The following TOGARAM1 variants were observed in gnomAD, a reference collection of about 807,000 sequenced individuals.
TOGARAM1 encodes TOG array regulator of axonemal microtubules 1, also known as TOG array regulator of axonemal microtubules protein 1.
A neutral mutation model predicts 166.6 loss-of-function variants in TOGARAM1; 100 were observed. The ratio of observed to expected loss-of-function variants is 0.60; its 90% CI spans 0.51 to 0.71. TOGARAM1 has a LOEUF of 0.71. TOGARAM1 is among the 30% of genes least tolerant of loss of function. The probability of loss-of-function intolerance (pLI) is 0.00; values close to 1 mark genes in which losing one functional copy is unlikely to be tolerated. For missense variants in TOGARAM1, 2,029 were observed against 2,102.7 expected, an observed-to-expected ratio of 0.96 and a Z score of 0.69; for synonymous variants, 758 against 763.8, an observed-to-expected ratio of 0.99 and a Z score of 0.13.
At chr14:45,050,891 A>C (rs1483901690) in intron 14 of TOGARAM1, among the ~76,000 whole-genome samples, 1 of 152,234 alleles carries the variant, frequency 6.6e-6, no homozygotes, top group Non-Finnish European at 1.5e-5. Flanking sequence ...CTGGGATTAC[A>C]GGTGTGAGCC....
At chr14:45,044,556 G>A in intron 12 of TOGARAM1, 79 bp from the exon 13 acceptor site, 1 of 1,019,290 alleles carries the variant, frequency 9.8e-7, no homozygotes. Context: ...AAAAAACATT[G>A]TAAAATTCCT....
chr14:45,037,006 G>A (rs933804416), intron 11 of TOGARAM1, among the ~76,000 whole-genome samples: 3 of 152,188 alleles, frequency 2.0e-5, no homozygotes, highest in Non-Finnish European at 4.4e-5. Flanking sequence ...ATCAGATCTT[G>A]TGAGACTTAT....
At chr14:45,054,188 A>G (rs1241871881) in intron 15 of TOGARAM1, among the ~76,000 whole-genome samples, 1 of 152,094 alleles carries the variant, frequency 6.6e-6, no homozygotes, top group Non-Finnish European at 1.5e-5. Flanking sequence ...CAGCATATTA[A>G]TTTTTAGTTT....
At chr14:45,048,055 C>CAAA (rs1258401220) in intron 14 of TOGARAM1, among the ~76,000 whole-genome samples, 2 of 88,012 alleles carry the variant, frequency 2.3e-5, no homozygotes, top group African/African-American at 4.0e-5. Flanking sequence ...GACTCCATCT[C>CAAA]AAAAAAAAAA....
rs1368047400 is a variant in TOGARAM1, at chr14:44,971,513, T to G, written c.2046+7046T>G. On this transcript the variant is annotated intron_variant, in intron 1 of 19. Coordinates refer to ENST00000361462, the MANE Select transcript of TOGARAM1 (RefSeq NM_001308120.2). The stretch of plus-strand genomic sequence containing the variant: ...AGAACCCGAGTTTGTTTTTGTTGAT[T>G]TTCTGTTGATTTCCTTTTTTCAGTT... Among the ~76,000 whole-genome samples the G allele has an allele frequency of 2.0e-5, 3 of 152,150 alleles. No homozygotes were observed. The East Asian group carries it at 5.8e-4, about 29-fold the overall frequency.
In TOGARAM1 at chr14:45,029,256, A is replaced by G. The variant is rs553064693; in HGVS notation, c.3658+927A>G. Reference sequence around the variant, plus strand: ...AGATAATTCACTATTTGTTATTGTCATAAAATTCAGGGAGAGAAAAACCCA... The same window carrying G: ...AGATAATTCACTATTTGTTATTGTCGTAAAATTCAGGGAGAGAAAAACCCA... On this transcript the variant is annotated intron_variant, in intron 10 of 19. Coordinates refer to ENST00000361462, the MANE Select transcript of TOGARAM1 (RefSeq NM_001308120.2). Among the ~76,000 whole-genome samples the G allele has an allele frequency of 3.3e-5, 5 of 152,322 alleles. No homozygotes were observed. The South Asian group carries it at 8.3e-4, about 25-fold the overall frequency.
chr14:45,004,231 C>T lies in TOGARAM1; in HGVS notation c.2509C>T (p.Pro837Ser). The change falls in exon 4 of 20, where the codon CCA becomes TCA. Residue 837 changes from proline (P) to serine (S), a missense_variant. Physicochemically the swap from Pro to Ser is moderately conservative, Grantham distance 74. Coordinates refer to ENST00000361462, the MANE Select transcript of TOGARAM1 (RefSeq NM_001308120.2). ...PKHTSPLIIS[P>S]KKSQDNSVNF... The stretch of plus-strand genomic sequence containing the variant: ...GCATACATCTCCTCTTATTATATCT[C>T]CAAAGAAGTCTCAAGATAATTCTGT... 6.2e-7 allele frequency: 1 copy of T among 1,613,998 alleles called. No individual in the cohort carries two copies. Among genetic ancestry groups the T allele is most frequent in the Non-Finnish European group, 8.5e-7 (1 of 1,179,940 alleles).
At chr14:45,045,688 T>C (rs910793640) in intron 13 of TOGARAM1, among the ~76,000 whole-genome samples, 2 of 101,954 alleles carry the variant, frequency 2.0e-5, no homozygotes, top group Non-Finnish European at 3.6e-5. Context: ...TATACACATA[T>C]ATACACATAT....
At chr14:45,021,403 G>A (rs1469117490) in intron 7 of TOGARAM1, among the ~76,000 whole-genome samples, 1 of 152,118 alleles carries the variant, frequency 6.6e-6, no homozygotes, top group African/African-American at 2.4e-5. Context: ...TCTTGGTAAC[G>A]GGAGCTACTG....
intron 12 of TOGARAM1, 129 bp from the exon 13 acceptor site, chr14:45,044,506 A>C (rs1594685783): frequency 1.5e-6 from 1 of 657,574 alleles, no homozygotes; most frequent in Non-Finnish European, 2.5e-6. Flanking sequence ...ATGCTACTGC[A>C]CTCCAGCCTG....
At chr14:45,062,377 G>A (rs1024382193) in intron 16 of TOGARAM1, among the ~76,000 whole-genome samples, 1 of 151,972 alleles carries the variant, frequency 6.6e-6, no homozygotes, top group African/African-American at 2.4e-5. Context: ...TACCTTTATC[G>A]CTGGTAATAT....
chr14:45,065,238 A>C (rs1484591585), intron 16 of TOGARAM1, among the ~76,000 whole-genome samples: 1 of 152,160 alleles, frequency 6.6e-6, no homozygotes, highest in Admixed American at 6.6e-5. Flanking sequence ...CAGATTGACC[A>C]ACCAACCTAC....
intron 1 of TOGARAM1, among the ~76,000 whole-genome samples, chr14:44,986,148 TC>T (rs1886782297): frequency 6.6e-6 from 1 of 152,210 alleles, no homozygotes; most frequent in Non-Finnish European, 1.5e-5. Flanking sequence ...ATTAGGTTTT[TC>T]TGAGAAAAAC....
intron 1 of TOGARAM1, among the ~76,000 whole-genome samples, chr14:44,980,342 A>G (rs1045951033): frequency 6.6e-6 from 1 of 152,192 alleles, no homozygotes; most frequent in Non-Finnish European, 1.5e-5. Context: ...AGATAAATAG[A>G]CCAGTTTGTT....
In TOGARAM1 at chr14:45,027,370, GA is replaced by G; in HGVS notation, c.3401del (p.Asp1134ValfsTer48). On this transcript the variant is annotated frameshift_variant, in exon 9 of 20. Transcript: ENST00000361462. LOFTEE classifies it high-confidence loss of function. ...QSVISSVENGDTFSIKQSIEP... is the reference protein window; with the variant it reads ...QSVISSVENGXTFSIKQSIEP... ...AGTGATATCTTCTGTGGAAAATGGG[GA>G]TACATTTTCAATTAAACAAAGTATT... The G allele has an allele frequency of 6.2e-7, 1 of 1,613,316 alleles. No homozygotes were observed. Among genetic ancestry groups the G allele is most frequent in the Non-Finnish European group, 8.5e-7 (1 of 1,179,606 alleles).
In TOGARAM1 at chr14:44,963,313, C is replaced by A. The variant is rs1394407263; in HGVS notation, c.892C>A (p.Arg298Ser). 1 of 1,614,182 alleles carries A rather than the reference C, an allele frequency of 6.2e-7. No individual in the cohort carries two copies. The highest frequency in any genetic ancestry group is 2.2e-5 in the East Asian group (1 of 44,880). Residue 298 changes from arginine to serine, a missense_variant, in exon 1 of 20, where the codon CGT (arginine) becomes AGT (serine). Physicochemically the swap from Arg to Ser is moderately radical, Grantham distance 110. Coordinates refer to ENST00000361462, the MANE Select transcript of TOGARAM1 (RefSeq NM_001308120.2). ...GQDRFQSYISRLPSALRRHYN... is the reference protein window; with the variant it reads ...GQDRFQSYISSLPSALRRHYN... ...AGACAGGTTTCAATCTTACATTTCT[C>A]GTCTGCCCTCTGCCCTGAGGAGACA...
chr14:44,963,963 T>A lies in TOGARAM1; in HGVS notation c.1542T>A (p.Asp514Glu). 1 of 1,614,190 alleles carries A rather than the reference T, an allele frequency of 6.2e-7. No individual in the cohort carries two copies. The highest frequency in any genetic ancestry group is 8.5e-7 in the Non-Finnish European group (1 of 1,180,032). ...EDFDLPKLSF[D>E]LAPALVDSKR... ...TTGACTTGCCCAAACTGTCCTTTGA[T>A]CTTGCCCCAGCTCTTGTAGATAGCA... Residue 514 changes from aspartate (D) to glutamate (E), a missense_variant, in exon 1 of 20, where the codon GAT becomes GAA. Coordinates refer to ENST00000361462, the MANE Select transcript of TOGARAM1 (RefSeq NM_001308120.2).
At chr14:45,053,870 A>ATATTATTATTAT (rs111579133) in intron 15 of TOGARAM1, among the ~76,000 whole-genome samples, 25 of 151,284 alleles carry the variant, frequency 1.7e-4, no homozygotes, top group African/African-American at 5.1e-4. Context: ...GAAATACAGC[A>ATATTATTATTAT]TATTATTATT....
intron 11 of TOGARAM1, among the ~76,000 whole-genome samples, chr14:45,037,900 C>T (rs1428856603): frequency 6.6e-6 from 1 of 151,650 alleles, no homozygotes; most frequent in East Asian, 1.9e-4. Context: ...TGCCTGTAGT[C>T]CCAGCTACTG....
Sources: gnomAD v4.1 joint callset for allele counts (sites outside exome capture counted in the v4.1 genomes callset) on GRCh38, gnomAD v4.1.1 for gene constraint, MANE v1.5 for transcripts, NCBI Gene and HGNC (gene_info 2026-07-23, HGNC 2026-07-21) for gene names.